ASS1: variants seen among roughly 807,000 people sequenced by gnomAD.
ASS1 encodes argininosuccinate synthase 1.
A neutral mutation model predicts 60.5 loss-of-function variants in ASS1; 58 were observed. That is an observed-to-expected ratio of 0.96 (90% CI 0.78 to 1.19). ASS1 has a LOEUF of 1.19. Ranked by LOEUF, ASS1 falls within the 50% of genes most tolerant of loss-of-function variation. ASS1 has a pLI of 0.00. For synonymous variants in ASS1, 200 were observed against 206.9 expected (o/e 0.97, Z 0.29); for missense variants, 454 against 547.3 (o/e 0.83, Z 1.70).
chr9:130,446,886 T>C (rs80087081), intron 1 of ASS1, among the ~76,000 whole-genome samples: 3 of 152,166 alleles, frequency 2.0e-5, no homozygotes, highest in Non-Finnish European at 4.4e-5. Flanking sequence ...GGCTCTGATT[T>C]CTGATGTAGC....
At position 130,458,493 on chromosome 9, in the gene ASS1, G is replaced by A. The variant is rs1845503168; in HGVS notation, c.267G>A (p.Leu89=). The A allele has an allele frequency of 6.2e-7, 1 of 1,612,664 alleles. No individual in the cohort carries two copies. Among genetic ancestry groups the A allele is most frequent in the Non-Finnish European group, 8.5e-7 (1 of 1,179,878 alleles). The change falls in exon 4 of 15, where the codon CTG becomes CTA. Residue 89 remains leucine, a synonymous_variant. Coordinates refer to ENST00000352480, the MANE Select transcript of ASS1 (RefSeq NM_054012.4). ...SSALYEDRYL[L]GTSLARPCIA... is the part of the protein sequence containing the mutation. ...CACTGTATGAGGACCGCTACCTCCTGGGCACCTCTCTTGCCAGGCCCTGCA... is the reference window on the plus strand; with the variant it reads ...CACTGTATGAGGACCGCTACCTCCTAGGCACCTCTCTTGCCAGGCCCTGCA...
At chr9:130,454,925 C>T (rs1564902414) in intron 3 of ASS1, among the ~76,000 whole-genome samples, 1 of 151,554 alleles carries the variant, frequency 6.6e-6, no homozygotes, top group Non-Finnish European at 1.5e-5. Context: ...CATTATCCAT[C>T]CATCCATTCA....
At chr9:130,484,232 A>G (rs1846245419) in intron 11 of ASS1, among the ~76,000 whole-genome samples, 1 of 152,132 alleles carries the variant, frequency 6.6e-6, no homozygotes. Context: ...CAGAGCCTTT[A>G]GTCCAGGTGC....
At chr9:130,454,476 T>A in intron 3 of ASS1, 103 bp downstream of exon 3, 2 of 1,236,400 alleles carry the variant, frequency 1.6e-6, no homozygotes, top group Non-Finnish European at 2.3e-6. Flanking sequence ...CCAGTGTGTC[T>A]TCTTGCTTCT....
At chr9:130,486,235 G>A (rs550347128) in intron 11 of ASS1, among the ~76,000 whole-genome samples, 4 of 152,234 alleles carry the variant, frequency 2.6e-5, no homozygotes, top group Admixed American at 2.6e-4. Context: ...AGGACCACGG[G>A]CACATGCCAC....
At chr9:130,468,342 C>T (rs890014385) in intron 6 of ASS1, among the ~76,000 whole-genome samples, 2 of 152,170 alleles carry the variant, frequency 1.3e-5, no homozygotes, top group African/African-American at 4.8e-5. Context: ...GCTGGCCATC[C>T]TCTCCCAACC....
At position 130,477,225 on chromosome 9, in the gene ASS1, C is replaced by T. The variant is rs1312610246; in HGVS notation, c.688+264C>T. ...ATGGGCACCAGGTCTGGAATGAGAGCGCTCTAGTCCCTGAACAGCCACTCA... is the reference window on the plus strand; with the variant it reads ...ATGGGCACCAGGTCTGGAATGAGAGTGCTCTAGTCCCTGAACAGCCACTCA... On this transcript the variant is annotated intron_variant, in intron 9 of 14. Transcript: ENST00000352480. The surrounding 1 kb of genome is among the most constrained non-coding windows in gnomAD (Gnocchi z 4.2). Among the ~76,000 whole-genome samples, 1 of 152,174 alleles carries T rather than the reference C, an allele frequency of 6.6e-6. No individual in the cohort carries two copies. Among genetic ancestry groups the T allele is most frequent in the East Asian group, 1.9e-4 (1 of 5,194 alleles).
intron 8 of ASS1, among the ~76,000 whole-genome samples, chr9:130,474,047 T>C (rs1350710897): frequency 9.3e-5 from 4 of 43,022 alleles, no homozygotes; most frequent in African/African-American, 3.3e-4. Context: ...TTCTTCACTC[T>C]CTTCCCTCCC....
intron 4 of ASS1, among the ~76,000 whole-genome samples, chr9:130,461,311 C>T (rs906761238): frequency 6.6e-6 from 1 of 152,182 alleles, no homozygotes; most frequent in African/African-American, 2.4e-5. Flanking sequence ...AACAGCCTCC[C>T]GCAGCCGTGT....
chr9:130,492,184 C>T (rs2118872764), intron 12 of ASS1, among the ~76,000 whole-genome samples: 1 of 152,312 alleles, frequency 6.6e-6, no homozygotes. Context: ...AGGCGCGGCA[C>T]TTGGAGTCTT....
Position 130,459,442 on chromosome 9 carries a change from G to C in ASS1, c.363+853G>C, listed in dbSNP as rs1461979305. On this transcript the variant is annotated intron_variant, in intron 4 of 14. Coordinates refer to ENST00000352480, the MANE Select transcript of ASS1 (RefSeq NM_054012.4). This position sits in a 1 kb window ranked among gnomAD's most constrained non-coding sequence, Gnocchi z 4.6. The stretch of plus-strand genomic sequence containing the variant: ...TTGGTTACTTTTTGTGTGTGTGTGT[G>C]GGGGAGAGGGACAAAGTCTCACTCT... 6.6e-6 allele frequency among the ~76,000 whole-genome samples: 1 copy of C among 151,890 alleles called. No homozygotes were observed. The highest frequency in any genetic ancestry group is 1.9e-4 in the East Asian group (1 of 5,156).
At chr9:130,492,253 C>T (rs1263288279) in intron 12 of ASS1, among the ~76,000 whole-genome samples, 2 of 152,148 alleles carry the variant, frequency 1.3e-5, no homozygotes, top group East Asian at 3.9e-4. Flanking sequence ...CCTCAGTTTC[C>T]CCTCCTGTCA....
chr9:130,458,625 G>A (rs779472944), intron 4 of ASS1, 36 bp downstream of exon 4: 3 of 1,600,182 alleles, frequency 1.9e-6, no homozygotes, highest in Non-Finnish European at 2.6e-6. Flanking sequence ...AGAGGGAGAT[G>A]GAGGCGGAGG....
intron 8 of ASS1, among the ~76,000 whole-genome samples, chr9:130,474,054 T>TCCCCCC (rs1845947269): frequency 1.7e-4 from 1 of 6,046 alleles, no homozygotes; most frequent in African/African-American, 9.9e-4. Flanking sequence ...CTCTCTTCCC[T>TCCCCCC]CCCCCGCACC....
At position 130,452,274 on chromosome 9, in the gene ASS1, G is replaced by C. The variant is rs1845345553; in HGVS notation, c.46G>C (p.Asp16His). The C allele has an allele frequency of 1.9e-6, 3 of 1,614,194 alleles. No individual in the cohort carries two copies. The highest frequency in any genetic ancestry group is 2.5e-6 in the Non-Finnish European group (3 of 1,180,024). Residue 16 changes from aspartate to histidine, a missense_variant, in exon 2 of 15, where the codon GAC becomes CAC. Asp to His is a moderately conservative substitution (Grantham distance 81, BLOSUM62 -1). Coordinates refer to ENST00000352480, the MANE Select transcript of ASS1 (RefSeq NM_054012.4). ...SVVLAYSGGL[D>H]TSCILVWLKE... ...GGTTCTGGCCTACAGTGGCGGCCTGGACACCTCGTGCATCCTCGTGTGGCT... is the reference window on the plus strand; with the variant it reads ...GGTTCTGGCCTACAGTGGCGGCCTGCACACCTCGTGCATCCTCGTGTGGCT...
In ASS1 at chr9:130,501,113, G is replaced by C; in HGVS notation, c.*92G>C. 7.0e-7 allele frequency: 1 copy of C among 1,421,982 alleles called. No individual in the cohort carries two copies. Among genetic ancestry groups the C allele is most frequent in the Non-Finnish European group, 9.8e-7 (1 of 1,020,122 alleles). 88.1% of individuals were successfully genotyped at this position (1,421,982 alleles called of 1,614,324 possible). On this transcript the variant is annotated 3_prime_UTR_variant, in exon 15 of 15. Transcript: ENST00000352480. ...TTGTGATAATTTGTAATTGTGACTT[G>C]TTCTCCCCGGCTGGCAGCGTAGTGG...
At chr9:130,466,698 G>T in intron 5 of ASS1, 27 bp from the exon 6 acceptor site, 1 of 1,611,016 alleles carries the variant, frequency 6.2e-7, no homozygotes, top group Non-Finnish European at 8.5e-7. Context: ...CGGCCCTCCC[G>T]GCTCTGACCC....
Position 130,471,476 on chromosome 9 carries a change from C to G in ASS1, c.567-9C>G. Reference sequence around the variant, plus strand: ...CCAGCTGACCCTGTCTTTCCTTTCCCCTCCGCAGCTACGAGGCTGGAATCC... The same window carrying G: ...CCAGCTGACCCTGTCTTTCCTTTCCGCTCCGCAGCTACGAGGCTGGAATCC... On this transcript the variant is annotated splice_polypyrimidine_tract_variant and intron_variant, in intron 7 of 14. Transcript: ENST00000352480. 1 of 1,614,120 alleles carries G rather than the reference C, an allele frequency of 6.2e-7. No individual in the cohort carries two copies. Among genetic ancestry groups the G allele is most frequent in the Middle Eastern group, 1.7e-4 (1 of 6,060 alleles).
intron 10 of ASS1, among the ~76,000 whole-genome samples, chr9:130,480,127 C>A (rs1409391485): frequency 6.6e-6 from 1 of 152,200 alleles, no homozygotes; most frequent in African/African-American, 2.4e-5. Context: ...TAGGCAGGGC[C>A]CCAGGACACA....
Sources: gnomAD v4.1 joint callset for allele counts (sites outside exome capture counted in the v4.1 genomes callset) on GRCh38, gnomAD v4.1.1 for gene constraint, Gnocchi (gnomAD v3.1) non-coding constraint, MANE v1.5 for transcripts, NCBI Gene and HGNC (gene_info 2026-07-23, HGNC 2026-07-21) for gene names.